OSBPL8: variants seen among roughly 807,000 people sequenced by gnomAD.
OSBPL8 encodes the protein oxysterol binding protein like 8.
In OSBPL8, 59 loss-of-function variants were observed where a neutral mutation model predicts 125.5. The observed-to-expected ratio is 0.47, with a 90% confidence interval of 0.38 to 0.58. The LOEUF is 0.58. Among genes scored for constraint, OSBPL8 ranks in the 20% least tolerant of loss-of-function variants. The probability of loss-of-function intolerance (pLI) is 0.00; values close to 1 mark genes in which losing one functional copy is unlikely to be tolerated. For synonymous variants in OSBPL8, 330 were observed against 338.9 expected (o/e 0.97, Z 0.29); for missense variants, 758 against 1,047.8 (o/e 0.72, Z 3.82).
intron 1 of OSBPL8, among the ~76,000 whole-genome samples, chr12:76,551,013 C>T (rs935650899): frequency 6.6e-6 from 1 of 152,010 alleles, no homozygotes; most frequent in Non-Finnish European, 1.5e-5. Flanking sequence ...ATTCTGCACT[C>T]CAGCCTGGAG....
At chr12:76,356,162 T>TGGGGGGGGAGGGGGGTGGTAGGTAGGGG in intron 23 of OSBPL8, 141 bp from the exon 24 acceptor site, 1 of 131,274 alleles carries the variant, frequency 7.6e-6, no homozygotes, top group Non-Finnish European at 1.6e-5. Flanking sequence ...TATGTAGGGG[T>TGGGGGGGGAGGGGGGTGGTAGGTAGGGG]GGGGGGGGGC....
chr12:76,466,413 T>C (rs1185495094), intron 2 of OSBPL8, among the ~76,000 whole-genome samples: 1 of 152,138 alleles, frequency 6.6e-6, no homozygotes, highest in African/African-American at 2.4e-5. Flanking sequence ...GATGCAAAAA[T>C]GTTAACATGT....
chr12:76,514,089 G>A (rs973826501), intron 1 of OSBPL8, among the ~76,000 whole-genome samples: 1 of 152,048 alleles, frequency 6.6e-6, no homozygotes, highest in Non-Finnish European at 1.5e-5. Context: ...CTCCTTTCAA[G>A]ATCTCTTGTA....
At chr12:76,436,388 C>T (rs1263894846) in intron 4 of OSBPL8, among the ~76,000 whole-genome samples, 2 of 152,038 alleles carry the variant, frequency 1.3e-5, no homozygotes, top group Non-Finnish European at 2.9e-5. Context: ...TTAGCATGTA[C>T]CCACAATCCT....
intron 8 of OSBPL8, among the ~76,000 whole-genome samples, chr12:76,394,965 A>C (rs1320417513): frequency 1.3e-5 from 2 of 152,306 alleles, no homozygotes; most frequent in East Asian, 1.9e-4. Flanking sequence ...CTTAAATATT[A>C]TCTCTACATA....
At chr12:76,424,881 A>G (rs1448697489) in intron 4 of OSBPL8, among the ~76,000 whole-genome samples, 1 of 152,228 alleles carries the variant, frequency 6.6e-6, no homozygotes, top group African/African-American at 2.4e-5. Context: ...GTACATATCC[A>G]GGAGAGGATA....
At chr12:76,523,573 T>C (rs1372825885) in intron 1 of OSBPL8, among the ~76,000 whole-genome samples, 1 of 152,194 alleles carries the variant, frequency 6.6e-6, no homozygotes, top group East Asian at 1.9e-4. Context: ...AATCATGTCA[T>C]GAGGGTGGAG....
intron 21 of OSBPL8, among the ~76,000 whole-genome samples, chr12:76,367,176 T>A (rs1269635389): frequency 6.6e-6 from 1 of 152,122 alleles, no homozygotes; most frequent in Non-Finnish European, 1.5e-5. Flanking sequence ...TAGAGCTGTT[T>A]CTATCTTCCA....
chr12:76,492,972 G>A (rs942613981), intron 1 of OSBPL8, among the ~76,000 whole-genome samples: 4 of 151,546 alleles, frequency 2.6e-5, no homozygotes, highest in African/African-American at 4.9e-5. Context: ...ACGTACACAC[G>A]TGCACATTCT....
At chr12:76,377,146 G>A (rs758937913) in intron 16 of OSBPL8, among the ~76,000 whole-genome samples, 3 of 152,196 alleles carry the variant, frequency 2.0e-5, no homozygotes, top group Non-Finnish European at 4.4e-5. Context: ...TGGTGTGTAT[G>A]TGCCACATTT....
At position 76,541,920 on chromosome 12, in the gene OSBPL8, C is replaced by A. The variant is rs529797445; in HGVS notation, c.-68+17477G>T. Among the ~76,000 whole-genome samples the A allele has an allele frequency of 3.3e-5, 5 of 152,092 alleles. No individual in the cohort carries two copies. In the South Asian group the frequency reaches 1.0e-3, roughly 32 times the overall value. On this transcript the variant is annotated intron_variant, in intron 1 of 23. Coordinates refer to ENST00000261183, the MANE Select transcript of OSBPL8 (RefSeq NM_020841.5). The stretch of plus-strand genomic sequence containing the variant: ...GGTGCAGTGGCTCACGCCTGCAATC[C>A]CAGCACTTTGGGAGGCCAAGGCGGG...
At chr12:76,464,751 G>A (rs973661628) in intron 2 of OSBPL8, among the ~76,000 whole-genome samples, 6 of 152,028 alleles carry the variant, frequency 3.9e-5, no homozygotes, top group Non-Finnish European at 5.9e-5. Context: ...TATACATCAC[G>A]GCTTGATTTA....
At chr12:76,495,672 GA>G (rs1879195958) in intron 1 of OSBPL8, among the ~76,000 whole-genome samples, 1 of 151,256 alleles carries the variant, frequency 6.6e-6, no homozygotes, top group East Asian at 1.9e-4. Flanking sequence ...TAAACAAGAA[GA>G]AAAACCACTG....
At chr12:76,539,652 T>C (rs550595617) in intron 1 of OSBPL8, among the ~76,000 whole-genome samples, 1 of 152,348 alleles carries the variant, frequency 6.6e-6, no homozygotes, top group African/African-American at 2.4e-5. Flanking sequence ...TTTTCCCTCC[T>C]AAGATTTTTC....
intron 4 of OSBPL8, among the ~76,000 whole-genome samples, chr12:76,437,210 T>A (rs1234657475): frequency 6.6e-6 from 1 of 152,210 alleles, no homozygotes; most frequent in African/African-American, 2.4e-5. Context: ...CTACATAATG[T>A]CAAACTATTT....
In OSBPL8 at chr12:76,445,442, T is replaced by A. The variant is rs539394497; in HGVS notation, c.217+5409A>T. ...AAAGCATTAAGAAAATAAGAAAGCA[T>A]GCCAAGACTGGAAGAAAGTACTCTC... On this transcript the variant is annotated intron_variant, in intron 4 of 23. Coordinates refer to ENST00000261183, the MANE Select transcript of OSBPL8 (RefSeq NM_020841.5). Among the ~76,000 whole-genome samples, 126 of 152,192 alleles carry A rather than the reference T, an allele frequency of 8.3e-4. 1 individual carries two copies. The highest frequency in any genetic ancestry group is 2.9e-3 in the African/African-American group (119 of 41,548).
chr12:76,527,059 A>G (rs1950200552), intron 1 of OSBPL8, among the ~76,000 whole-genome samples: 1 of 152,060 alleles, frequency 6.6e-6, no homozygotes, highest in Non-Finnish European at 1.5e-5. Context: ...TAAAATGTCA[A>G]TTACTGACAC....
chr12:76,359,928 G>A (rs1224373240), intron 21 of OSBPL8, among the ~76,000 whole-genome samples: 1 of 152,138 alleles, frequency 6.6e-6, no homozygotes, highest in Non-Finnish European at 1.5e-5. Context: ...GGAATTATGG[G>A]AGTACAATTC....
chr12:76,465,396 T>C (rs1184019317), intron 2 of OSBPL8, among the ~76,000 whole-genome samples: 2 of 151,496 alleles, frequency 1.3e-5, no homozygotes, highest in East Asian at 2.0e-4. Context: ...CCGTCTCTAC[T>C]AAAAATACAA....
Sources: gnomAD v4.1 joint callset for allele counts (sites outside exome capture counted in the v4.1 genomes callset) on GRCh38, gnomAD v4.1.1 for gene constraint, MANE v1.5 for transcripts, NCBI Gene and HGNC (gene_info 2026-07-23, HGNC 2026-07-21) for gene names.